The following ELF2 variants were observed in gnomAD, a reference collection of about 807,000 sequenced individuals.
ELF2 encodes the protein E74 like ETS transcription factor 2.
In ELF2, 11 loss-of-function variants were observed where a neutral mutation model predicts 54.8. The observed-to-expected ratio is 0.20, with a 90% CI of 0.13 to 0.33. The LOEUF is 0.33. Ranked by LOEUF, ELF2 falls within the 10% of genes least tolerant of loss-of-function variation. The pLI, the probability that ELF2 is intolerant of heterozygous loss-of-function variation, is 1.00. For missense variants in ELF2, 513 were observed against 703.0 expected, an observed-to-expected ratio of 0.73 and a Z score of 3.06; for synonymous variants, 203 against 245.1, an observed-to-expected ratio of 0.83 and a Z score of 1.61.
intron 4 of ELF2, among the ~76,000 whole-genome samples, chr4:139,106,723 G>C (rs1398075411): frequency 6.9e-6 from 1 of 145,338 alleles, no homozygotes; most frequent in Non-Finnish European, 1.5e-5. Context: ...ATTTAAAATA[G>C]TTTGATAACT....
chr4:139,078,599 G>A (rs538797083), intron 4 of ELF2, among the ~76,000 whole-genome samples: 10 of 149,448 alleles, frequency 6.7e-5, no homozygotes, highest in South Asian at 2.1e-4. Context: ...TTACACTCTC[G>A]GAGGGGGAGA....
At chr4:139,071,624 C>T (rs1162667257) in intron 6 of ELF2, among the ~76,000 whole-genome samples, 2 of 152,030 alleles carry the variant, frequency 1.3e-5, no homozygotes, top group African/African-American at 2.4e-5. Context: ...GTGTGTCGAA[C>T]ACCTGTTAAA....
chr4:139,146,049 T>G (rs1016832209), intron 1 of ELF2, among the ~76,000 whole-genome samples: 2 of 152,132 alleles, frequency 1.3e-5, no homozygotes, highest in Non-Finnish European at 2.9e-5. Flanking sequence ...GAGAAAGAAA[T>G]AAAGGGCATC....
At chr4:139,132,164 C>G (rs989961450) in intron 3 of ELF2, among the ~76,000 whole-genome samples, 1 of 151,924 alleles carries the variant, frequency 6.6e-6, no homozygotes, top group Non-Finnish European at 1.5e-5. Context: ...TATCAAAATA[C>G]TTTTTTCATT....
chr4:139,115,397 G>A (rs1215280309), intron 4 of ELF2: 2 of 1,007,014 alleles, frequency 2.0e-6, no homozygotes, highest in East Asian at 9.7e-5. Flanking sequence ...GGCCACGTGC[G>A]CGCATCGGGC....
chr4:139,117,142 AG>A (rs936708520), intron 4 of ELF2, among the ~76,000 whole-genome samples: 1 of 152,198 alleles, frequency 6.6e-6, no homozygotes, highest in African/African-American at 2.4e-5. Context: ...TAAGGAGCAA[AG>A]TCCTGTCCCC....
chr4:139,150,882 G>A (rs531340739), intron 1 of ELF2, among the ~76,000 whole-genome samples: 42 of 151,682 alleles, frequency 2.8e-4, no homozygotes, highest in Admixed American at 2.4e-3. Flanking sequence ...AAAATTAGCC[G>A]GGCTTGGTGG....
At chr4:139,130,409 T>G (rs1373280174) in intron 3 of ELF2, among the ~76,000 whole-genome samples, 4 of 152,198 alleles carry the variant, frequency 2.6e-5, no homozygotes, top group African/African-American at 7.2e-5. Context: ...TAACATAAAT[T>G]GATTAGTGGC....
intron 1 of ELF2, among the ~76,000 whole-genome samples, chr4:139,166,607 G>A (rs143128603): frequency 0.019 from 2,819 of 152,154 alleles, 84 homozygotes; most frequent in African/African-American, 0.064. Context: ...GGTGGCTCAC[G>A]CCTGTAATCC....
chr4:139,161,413 G>C (rs547825129), intron 1 of ELF2, among the ~76,000 whole-genome samples: 1 of 152,064 alleles, frequency 6.6e-6, no homozygotes, highest in African/African-American at 2.4e-5. Context: ...CCTAAAAACA[G>C]AATAGTCTTT....
At chr4:139,079,335 T>C (rs1396149673) in intron 4 of ELF2, among the ~76,000 whole-genome samples, 7 of 152,242 alleles carry the variant, frequency 4.6e-5, no homozygotes, top group African/African-American at 1.4e-4. Context: ...TTCTCCTTCC[T>C]CTTTCAATCT....
At chr4:139,121,154 G>A (rs1736286637) in intron 4 of ELF2, among the ~76,000 whole-genome samples, 1 of 127,030 alleles carries the variant, frequency 7.9e-6, no homozygotes, top group South Asian at 2.6e-4. Context: ...TGTCGCCCAG[G>A]CTGGAGTGCA....
At chr4:139,132,477 G>A (rs1560847827) in intron 3 of ELF2, among the ~76,000 whole-genome samples, 1 of 151,878 alleles carries the variant, frequency 6.6e-6, no homozygotes, top group Non-Finnish European at 1.5e-5. Context: ...GCAGACCTAG[G>A]CAACCACTGA....
At chr4:139,060,872 TG>T (rs1727735080) in intron 8 of ELF2, among the ~76,000 whole-genome samples, 198 bp from the exon 9 acceptor site, 1 of 152,224 alleles carries the variant, frequency 6.6e-6, no homozygotes, top group South Asian at 2.1e-4. Context: ...AGTTGGAACC[TG>T]GGGCCAAGGT....
intron 1 of ELF2, among the ~76,000 whole-genome samples, chr4:139,176,306 G>A (rs1414285541): frequency 2.0e-5 from 3 of 152,192 alleles, no homozygotes; most frequent in African/African-American, 7.2e-5. Flanking sequence ...AAGAACTGCC[G>A]AGTACAACCT....
At chr4:139,109,557 C>T (rs1049413927) in intron 4 of ELF2, among the ~76,000 whole-genome samples, 1 of 152,166 alleles carries the variant, frequency 6.6e-6, no homozygotes, top group Non-Finnish European at 1.5e-5. Context: ...ATCACATTTG[C>T]ATATTAAAAC....
chr4:139,104,408 G>A (rs985531513), intron 4 of ELF2, among the ~76,000 whole-genome samples: 2 of 151,434 alleles, frequency 1.3e-5, no homozygotes, highest in Admixed American at 6.6e-5. Flanking sequence ...TACTCAGGAG[G>A]CTGAGGCAGG....
rs535612544 is a variant in ELF2, at chr4:139,141,630, C to A, written c.-251-2133G>T. On this transcript the variant is annotated intron_variant, in intron 1 of 9. Transcript: ENST00000686138. ...GACTAGTCTAGTCACCTTGGCCCCC[C>A]ACAAAGTCTTCACTCTATGGGTAGG... Among the ~76,000 whole-genome samples, 5 of 152,318 alleles carry A rather than the reference C, an allele frequency of 3.3e-5. No homozygotes were observed. The South Asian group carries it at 1.0e-3, about 32-fold the overall frequency.
intron 3 of ELF2, among the ~76,000 whole-genome samples, chr4:139,136,591 T>A (rs913498433): frequency 1.3e-5 from 2 of 151,640 alleles, no homozygotes; most frequent in Non-Finnish European, 2.9e-5. Context: ...TTTTCCCACC[T>A]CAGCTCTGAA....
Sources: allele counts gnomAD v4.1 joint callset (sites outside exome capture counted in the v4.1 genomes callset), GRCh38; gene constraint gnomAD v4.1.1; transcripts MANE v1.5; gene names NCBI Gene and HGNC (gene_info 2026-07-23, HGNC 2026-07-21).